LCK: variants seen among roughly 807,000 people sequenced by gnomAD.
The protein encoded by LCK is LCK proto-oncogene, Src family tyrosine kinase, also known as tyrosine-protein kinase Lck.
In LCK, 14 loss-of-function variants were observed where a neutral mutation model predicts 64.6. The ratio of observed to expected loss-of-function variants is 0.22; its 90% CI spans 0.14 to 0.34. The LOEUF is 0.34. Ranked by LOEUF, LCK falls within the 10% of genes least tolerant of loss-of-function variation. The pLI, the probability that LCK is intolerant of heterozygous loss-of-function variation, is 1.00. For synonymous variants in LCK, 277 were observed against 263.6 expected, an observed-to-expected ratio of 1.05 and a Z score of -0.49; for missense variants, 434 against 668.1, an observed-to-expected ratio of 0.65 and a Z score of 3.86.
intron 1 of LCK, among the ~76,000 whole-genome samples, chr1:32,262,244 T>C (rs1174175499): frequency 7.2e-6 from 1 of 138,294 alleles, no homozygotes; most frequent in African/African-American, 2.6e-5. Flanking sequence ...CTCACACCTG[T>C]AATCCCAGCA....
In LCK at chr1:32,280,040, C is replaced by G. The variant is rs41264007; in HGVS notation, c.1196-39C>G. ...TGGTCTGGGCCCTGCAGGGTCTGGC[C>G]AAGCAGACCCAGGTGACCTCACTCT... On this transcript the variant is annotated intron_variant, in intron 11 of 12. Coordinates refer to ENST00000336890, the MANE Select transcript of LCK (RefSeq NM_005356.5). 6.7e-4 allele frequency: 1,080 copies of G among 1,613,948 alleles called. 2 individuals are homozygous for G. Among genetic ancestry groups the G allele is most frequent in the Non-Finnish European group, 8.3e-4 (980 of 1,179,896 alleles).
intron 9 of LCK, among the ~76,000 whole-genome samples, chr1:32,279,381 C>A (rs2124367262): frequency 6.6e-6 from 1 of 152,200 alleles, no homozygotes; most frequent in Admixed American, 6.6e-5. Flanking sequence ...GAAGAAGCTA[C>A]CAGTGTGGAC....
intron 12 of LCK, among the ~76,000 whole-genome samples, chr1:32,281,405 A>G (rs1481873103): frequency 1.3e-5 from 2 of 150,938 alleles, no homozygotes; most frequent in African/African-American, 4.9e-5. Context: ...GGGTGCAGTG[A>G]GCCATGATTG....
chr1:32,263,401 TAAAATAAA>T (rs1441843812), intron 1 of LCK, among the ~76,000 whole-genome samples: 37 of 124,480 alleles, frequency 3.0e-4, no homozygotes, highest in Non-Finnish European at 5.7e-4. Context: ...TCAAAATAAA[TAAAATAAA>T]TAAATAAATA....
chr1:32,266,281 A>AAGACCATCCT (rs1377338849), intron 1 of LCK, among the ~76,000 whole-genome samples: 1 of 151,502 alleles, frequency 6.6e-6, no homozygotes. Context: ...TCACAAGGTC[A>AAGACCATCCT]GGAGATCAAG....
chr1:32,252,300 C>T (rs2124295844), intron 1 of LCK, among the ~76,000 whole-genome samples: 1 of 152,190 alleles, frequency 6.6e-6, no homozygotes. Context: ...CTGTGTAGGG[C>T]CAGTTGGTTT....
intron 1 of LCK, among the ~76,000 whole-genome samples, chr1:32,259,205 T>C (rs1639702287): frequency 1.4e-5 from 2 of 145,704 alleles, no homozygotes; most frequent in Admixed American, 1.4e-4. Flanking sequence ...GAGACTAGCC[T>C]GAGCAACATG....
intron 1 of LCK, among the ~76,000 whole-genome samples, chr1:32,272,895 GGTGA>G (rs1335969922): frequency 1.4e-5 from 2 of 147,048 alleles, no homozygotes; most frequent in Admixed American, 6.8e-5. Flanking sequence ...CATGGGTGTG[GGTGA>G]GTGTGTGGAG....
chr1:32,265,114 C>T (rs777694356), intron 1 of LCK, among the ~76,000 whole-genome samples: 1 of 151,096 alleles, frequency 6.6e-6, no homozygotes, highest in African/African-American at 2.4e-5. Flanking sequence ...GGCTGAGGCA[C>T]GGAGGTTGCA....
At chr1:32,274,605 G>GA (rs1353907690) in intron 2 of LCK, 132 bp from the exon 3 acceptor site, 1 of 928,314 alleles carries the variant, frequency 1.1e-6, no homozygotes, top group African/African-American at 1.7e-5. Context: ...AGATCACACA[G>GA]AAAGTAGTTG....
chr1:32,251,934 GA>G lies in LCK; in HGVS notation c.-6+564del, dbSNP rs1319083877. The stretch of plus-strand genomic sequence containing the variant: ...AGAGAGAGAGAGAGAGAGAGAGAGA[GA>G]GACAGAGATCACCCAAGGCATCCAG... On this transcript the variant is annotated intron_variant, in intron 1 of 12. Transcript: ENST00000336890. The surrounding 1 kb of genome is among the most constrained non-coding windows in gnomAD (Gnocchi z 4.0). Among the ~76,000 whole-genome samples, 243 of 146,700 alleles carry G rather than the reference GA, an allele frequency of 1.7e-3. 2 individuals carry two copies. The East Asian group carries it at 0.028, about 17-fold the overall frequency.
intron 1 of LCK, among the ~76,000 whole-genome samples, chr1:32,259,218 A>G (rs1639702893): frequency 6.7e-6 from 1 of 149,770 alleles, no homozygotes; most frequent in Non-Finnish European, 1.5e-5. Flanking sequence ...GCAACATGGC[A>G]AAACCCTGTC....
At chr1:32,277,730 T>G (rs965583333) in intron 9 of LCK, among the ~76,000 whole-genome samples, 13 of 152,228 alleles carry the variant, frequency 8.5e-5, no homozygotes, top group Admixed American at 6.5e-5. Context: ...AGAGTCTGAC[T>G]GCCTGGGTCA....
At position 32,275,130 on chromosome 1, in the gene LCK, C is replaced by A; in HGVS notation, c.278+47C>A. ...TCTGGCGGAGTCCGTGAGGGAGCGG[C>A]GATCTCCGCGACCCGCAGCCCTCCT... is the stretch of plus-strand genomic sequence containing the variant. On this transcript the variant is annotated intron_variant, in intron 4 of 12. Transcript: ENST00000336890. This position sits in a 1 kb window ranked among gnomAD's most constrained non-coding sequence, Gnocchi z 6.9. 1 of 1,548,212 alleles carries A rather than the reference C, an allele frequency of 6.5e-7. No individual in the cohort carries two copies. The highest frequency in any genetic ancestry group is 8.9e-7 in the Non-Finnish European group (1 of 1,129,876).
chr1:32,260,783 G>C (rs1196009646), intron 1 of LCK, among the ~76,000 whole-genome samples: 2 of 151,200 alleles, frequency 1.3e-5, no homozygotes, highest in African/African-American at 2.4e-5. Context: ...CACCACACCT[G>C]GTTAATTTTT....
chr1:32,259,348 G>A (rs1639709254), intron 1 of LCK, among the ~76,000 whole-genome samples: 1 of 150,944 alleles, frequency 6.6e-6, no homozygotes, highest in South Asian at 2.1e-4. Context: ...GGGTGCGGTG[G>A]CTCATGCCAC....
chr1:32,282,656 A>G (rs1216015893), intron 12 of LCK, among the ~76,000 whole-genome samples: 3 of 151,838 alleles, frequency 2.0e-5, no homozygotes, highest in Admixed American at 2.0e-4. Context: ...ATACAAAAAT[A>G]TTAGCCAGGC....
At chr1:32,282,624 T>C (rs1172740030) in intron 12 of LCK, among the ~76,000 whole-genome samples, 1 of 151,926 alleles carries the variant, frequency 6.6e-6, no homozygotes, top group African/African-American at 2.4e-5. Context: ...GCCAACATGG[T>C]GAAACCCTGC....
At chr1:32,272,883 T>C (rs1456058911) in intron 1 of LCK, among the ~76,000 whole-genome samples, 3 of 141,618 alleles carry the variant, frequency 2.1e-5, no homozygotes, top group Non-Finnish European at 4.6e-5. Flanking sequence ...TGTGGATGTG[T>C]GCATGGGTGT....
Sources: gnomAD v4.1 joint callset for allele counts (sites outside exome capture counted in the v4.1 genomes callset) on GRCh38, gnomAD v4.1.1 for gene constraint, Gnocchi (gnomAD v3.1) non-coding constraint, MANE v1.5 for transcripts, NCBI Gene and HGNC (gene_info 2026-07-23, HGNC 2026-07-21) for gene names.